Variants in GADL1 observed in about 807,000 individuals in gnomAD.
GADL1 encodes the protein GAD like acidic amino acid decarboxylase 1, also known as acidic amino acid decarboxylase GADL1.
Under a neutral mutation model 69.5 loss-of-function variants are expected in GADL1, and 71 were observed. That is an observed-to-expected ratio of 1.02 (90% CI 0.84 to 1.25). GADL1 has a LOEUF of 1.25. GADL1 is among the 50% of genes most tolerant of loss of function. GADL1 has a pLI of 0.00. For missense variants in GADL1, 737 were observed against 631.8 expected, an observed-to-expected ratio of 1.17 and a Z score of -1.79; for synonymous variants, 254 against 214.4, an observed-to-expected ratio of 1.18 and a Z score of -1.62.
chr3:30,763,406 G>T (rs1219844265), intron 14 of GADL1, among the ~76,000 whole-genome samples: 1 of 124,492 alleles, frequency 8.0e-6, no homozygotes, highest in East Asian at 2.2e-4. Flanking sequence ...GGGAGGATGA[G>T]GCAGGAGAAT....
chr3:30,733,153 A>G (rs1695488871), intron 14 of GADL1, among the ~76,000 whole-genome samples: 2 of 152,342 alleles, frequency 1.3e-5, no homozygotes, highest in South Asian at 4.1e-4. Context: ...ATAAAAATCA[A>G]TTACTAGCAA....
rs199567192 is a variant in GADL1 at position 30,838,996 on chromosome 3, C to T, written c.903+1G>A. The T allele has an allele frequency of 2.2e-5, 34 of 1,555,980 alleles. No homozygotes were observed. The highest frequency in any genetic ancestry group is 2.6e-5 in the Non-Finnish European group (30 of 1,137,278). ...AGGTATGTACACATAAATGAACTTA[C>T]ATCTACATGAAGCCAGAGGCTGTGC... is the stretch of plus-strand genomic sequence containing the variant. On this transcript the variant is annotated splice_donor_variant, in intron 9 of 14. Coordinates refer to ENST00000282538, the MANE Select transcript of GADL1 (RefSeq NM_207359.3). LOFTEE classifies it high-confidence loss of function.
intron 3 of GADL1, 22 bp from the exon 4 acceptor site, chr3:30,854,811 T>G (rs1261563063): frequency 3.1e-6 from 4 of 1,302,318 alleles, no homozygotes; most frequent in Non-Finnish European, 4.3e-6. Context: ...AAATGGAGTA[T>G]TCATCTATGC....
At chr3:30,844,509 A>G (rs1454234431) in intron 6 of GADL1, 43 bp from the exon 7 acceptor site, 2 of 1,261,508 alleles carry the variant, frequency 1.6e-6, no homozygotes, top group African/African-American at 1.5e-5. Flanking sequence ...ACATGAAAAC[A>G]TAGCACAAAA....
chr3:30,863,296 AG>A (rs1263188757), intron 1 of GADL1, among the ~76,000 whole-genome samples: 2 of 152,020 alleles, frequency 1.3e-5, no homozygotes, highest in African/African-American at 2.4e-5. Flanking sequence ...GAAAGAAAGC[AG>A]CACAATGATT....
At chr3:30,894,503 A>T in intron 1 of GADL1, 75 bp downstream of exon 1, 1 of 1,208,436 alleles carries the variant, frequency 8.3e-7, no homozygotes, top group Non-Finnish European at 1.2e-6. Flanking sequence ...TCTAGTCCCC[A>T]GGTCAAAAAT....
At chr3:30,885,266 T>C (rs1463974076) in intron 1 of GADL1, among the ~76,000 whole-genome samples, 1 of 152,100 alleles carries the variant, frequency 6.6e-6, no homozygotes, top group Non-Finnish European at 1.5e-5. Context: ...ATTATTTTTT[T>C]CTTCTGTCTT....
chr3:30,882,499 A>G (rs1021535367), intron 1 of GADL1, among the ~76,000 whole-genome samples: 8 of 152,060 alleles, frequency 5.3e-5, no homozygotes, highest in South Asian at 2.1e-4. Context: ...TAGCACTGAC[A>G]GAATTTCCTC....
chr3:30,751,191 C>A (rs1344520095), intron 14 of GADL1, among the ~76,000 whole-genome samples: 1 of 152,030 alleles, frequency 6.6e-6, no homozygotes, highest in East Asian at 1.9e-4. Flanking sequence ...TGATTGAGGG[C>A]CAAGCCTCAC....
intron 11 of GADL1, among the ~76,000 whole-genome samples, chr3:30,813,732 G>T (rs779881893): frequency 6.6e-6 from 1 of 152,186 alleles, no homozygotes; most frequent in Non-Finnish European, 1.5e-5. Flanking sequence ...TTCCCTGGTC[G>T]TCTTTGTATA....
At chr3:30,873,474 T>C (rs535539669) in intron 1 of GADL1, among the ~76,000 whole-genome samples, 1 of 152,028 alleles carries the variant, frequency 6.6e-6, no homozygotes, top group South Asian at 2.1e-4. Context: ...ATAATTACCA[T>C]ATTCTCCTTT....
In GADL1 at chr3:30,728,340, C is replaced by A; in HGVS notation, c.1468G>T (p.Val490Phe). Reference protein sequence around the residue: ...MLGYQPHRGKVNFFRQVVISP... With the variant: ...MLGYQPHRGKFNFFRQVVISP... ...ATCACCACCTGGCGGAAGAAGTTGA[C>A]CTTTCCCCGGTGCGGCTGGTAGCCC... is the stretch of plus-strand genomic sequence containing the variant. The change falls in exon 15 of 15, where the codon GTC (valine) becomes TTC (phenylalanine). Residue 490 changes from valine (V) to phenylalanine (F), a missense_variant. Transcript: ENST00000282538. 1.2e-6 allele frequency: 2 copies of A among 1,613,920 alleles called. No homozygotes were observed. Among genetic ancestry groups the A allele is most frequent in the Non-Finnish European group, 1.7e-6 (2 of 1,179,862 alleles).
chr3:30,810,890 G>T (rs1332870098), intron 11 of GADL1, among the ~76,000 whole-genome samples: 2 of 152,094 alleles, frequency 1.3e-5, no homozygotes, highest in Admixed American at 1.3e-4. Flanking sequence ...CCTGCTACAA[G>T]GGTGGGGCTG....
rs1425212610 is a variant in GADL1 at position 30,727,221 on chromosome 3, T to C, written c.*1021A>G. 1 of 149,896 alleles carries C rather than the reference T, an allele frequency of 6.7e-6. No individual in the cohort carries two copies. Among genetic ancestry groups the C allele is most frequent in the Non-Finnish European group, 1.5e-5 (1 of 67,680 alleles). 9.3% of individuals were successfully genotyped at this position (149,896 alleles called of 1,614,324 possible). On this transcript the variant is annotated 3_prime_UTR_variant, in exon 15 of 15. Transcript: ENST00000282538. ...AGCACCCCAGTTCAGGTATCTTGAA[T>C]AAAGAAAATTAGTCATAGACGAAAA...
chr3:30,804,666 A>G (rs907529591), intron 11 of GADL1, among the ~76,000 whole-genome samples: 1 of 152,062 alleles, frequency 6.6e-6, no homozygotes, highest in Non-Finnish European at 1.5e-5. Flanking sequence ...TTTTCCACCC[A>G]CTGACTCCCA....
intron 12 of GADL1, among the ~76,000 whole-genome samples, chr3:30,786,749 T>C (rs1409730376): frequency 6.6e-6 from 1 of 152,224 alleles, no homozygotes; most frequent in Non-Finnish European, 1.5e-5. Context: ...CATAGGTACT[T>C]ACATTAAATA....
At position 30,835,211 on chromosome 3, in the gene GADL1, T is replaced by C. The variant is rs190850618; in HGVS notation, c.904-930A>G. Among the ~76,000 whole-genome samples the C allele has an allele frequency of 3.9e-4, 60 of 152,192 alleles. No homozygotes were observed. The East Asian group carries it at 0.011, about 28-fold the overall frequency. On this transcript the variant is annotated intron_variant, in intron 9 of 14. Coordinates refer to ENST00000282538, the MANE Select transcript of GADL1 (RefSeq NM_207359.3). ...TTCAAAGCCCATTCTCCTGTCATGT[T>C]AACATCATTACTTAAGGAAGGTGAC...
At chr3:30,753,428 CTTAGT>C (rs1289822898) in intron 14 of GADL1, among the ~76,000 whole-genome samples, 10 of 151,802 alleles carry the variant, frequency 6.6e-5, no homozygotes, top group South Asian at 2.1e-4. Context: ...GAGGTTTTTC[CTTAGT>C]TTATTTTTTA....
intron 12 of GADL1, among the ~76,000 whole-genome samples, chr3:30,788,612 G>A (rs955282278): frequency 2.6e-5 from 4 of 152,188 alleles, no homozygotes; most frequent in Non-Finnish European, 5.9e-5. Context: ...AGATTTCTCT[G>A]TAGTAGGCAA....
Sources: allele counts gnomAD v4.1 joint callset (sites outside exome capture counted in the v4.1 genomes callset), GRCh38; gene constraint gnomAD v4.1.1; transcripts MANE v1.5; gene names NCBI Gene and HGNC (gene_info 2026-07-23, HGNC 2026-07-21).